The following CRY1 variants were observed in gnomAD, a reference collection of about 807,000 sequenced individuals.
The protein encoded by CRY1 is cryptochrome circadian regulator 1.
In CRY1, 45 loss-of-function variants were observed where a neutral mutation model predicts 76.0. The ratio of observed to expected loss-of-function variants is 0.59; its 90% confidence interval spans 0.47 to 0.76. The LOEUF (loss-of-function observed/expected upper bound fraction) is 0.76. CRY1 is among the 30% of genes least tolerant of loss of function. The pLI is 0.00. For synonymous variants in CRY1, 248 were observed against 244.0 expected, an observed-to-expected ratio of 1.02 and a Z score of -0.15; for missense variants, 587 against 716.4, an observed-to-expected ratio of 0.82 and a Z score of 2.06.
Position 107,026,769 on chromosome 12 carries a change from G to GTT in CRY1, c.159-4579_159-4578dup, listed in dbSNP as rs66881305. 6.0e-3 allele frequency among the ~76,000 whole-genome samples: 800 copies of GTT among 134,146 alleles called. 6 individuals carry two copies. Among genetic ancestry groups the GTT allele is most frequent in the Non-Finnish European group, 7.9e-3 (495 of 62,676 alleles). The allele number at this position is 134,146 out of a possible 152,430, so 88.0% of individuals were successfully genotyped here. On this transcript the variant is annotated intron_variant, in intron 1 of 12. Transcript: ENST00000008527. ...TTATTTTCCCTTGAGAATAATTCCTGTTTTTTTTTTTTTTTTTTTTTAAAG... is the reference window on the plus strand; with the variant it reads ...TTATTTTCCCTTGAGAATAATTCCTGTTTTTTTTTTTTTTTTTTTTTTTAAAG...
intron 2 of CRY1, among the ~76,000 whole-genome samples, chr12:107,009,557 A>AAC (rs1555275532): frequency 0.077 from 3,224 of 41,828 alleles, 125 homozygotes; most frequent in Admixed American, 0.14. Context: ...CAAAAAAACA[A>AAC]AAAAACATAT....
chr12:107,078,620 T>C (rs1953286487), intron 1 of CRY1, among the ~76,000 whole-genome samples: 1 of 152,186 alleles, frequency 6.6e-6, no homozygotes, highest in African/African-American at 2.4e-5. Flanking sequence ...ATTATTCCCA[T>C]ATGCACAGAT....
chr12:107,086,459 G>C (rs1953402593), intron 1 of CRY1, among the ~76,000 whole-genome samples: 1 of 152,230 alleles, frequency 6.6e-6, no homozygotes, highest in African/African-American at 2.4e-5. Context: ...AGACATTCCA[G>C]AAATCAAGGC....
intron 1 of CRY1, among the ~76,000 whole-genome samples, chr12:107,037,775 C>A (rs1415306883): frequency 6.6e-6 from 1 of 152,082 alleles, no homozygotes; most frequent in East Asian, 1.9e-4. Context: ...GTGGCATGAT[C>A]ATAGCTCACT....
chr12:107,081,076 A>ATT, intron 1 of CRY1, among the ~76,000 whole-genome samples: 1 of 152,254 alleles, frequency 6.6e-6, no homozygotes, highest in Admixed American at 6.5e-5. Flanking sequence ...CGTTTTGAAA[A>ATT]GAGACAGCAG....
At chr12:107,007,911 C>T (rs368962812) in intron 2 of CRY1, among the ~76,000 whole-genome samples, 1 of 152,072 alleles carries the variant, frequency 6.6e-6, no homozygotes, top group Admixed American at 6.6e-5. Context: ...ACTTCCTGCC[C>T]CTTTTCCTTC....
intron 2 of CRY1, among the ~76,000 whole-genome samples, chr12:107,009,016 T>C (rs1388555899): frequency 6.6e-6 from 1 of 152,224 alleles, no homozygotes; most frequent in Non-Finnish European, 1.5e-5. Flanking sequence ...TTATTTGCAG[T>C]GTGAGAACAA....
At chr12:107,082,663 C>T (rs1953342035) in intron 1 of CRY1, among the ~76,000 whole-genome samples, 1 of 152,138 alleles carries the variant, frequency 6.6e-6, no homozygotes, top group Non-Finnish European at 1.5e-5. Flanking sequence ...AAAGAGATAA[C>T]ATACCAGAAT....
rs151317120 is a variant in CRY1 at position 106,992,880 on chromosome 12, G to C, written c.1668C>G (p.Ser556=). The C allele has an allele frequency of 1.9e-6, 3 of 1,613,888 alleles. No homozygotes were observed. Among genetic ancestry groups the C allele is most frequent in the Admixed American group, 1.7e-5 (1 of 59,984 alleles). The change falls in exon 12 of 13, where the codon TCC becomes TCG. Residue 556 remains serine, a synonymous_variant. Transcript: ENST00000008527. ...QTHLLKQGRS[S]MGTGLSGGKR... ...TCCCACCACTGAGACCAGTGCCCAT[G>C]GAGCTTCTTCCTGCACATTTAAAAA...
Position 106,992,789 on chromosome 12 carries a change from A to T in CRY1, c.1759T>A (p.Ter587LysextTer42). ...GPKVQRQSTN[*>K] Reference sequence around the variant, plus strand: ...AAATACAGCTCTAAAATATTTACCTAATTAGTGCTCTGTCTCTGGACTTTA... The same window carrying T: ...AAATACAGCTCTAAAATATTTACCTTATTAGTGCTCTGTCTCTGGACTTTA... The change falls in exon 12 of 13, where the codon TAG becomes AAG. Residue 587 changes from the stop codon to lysine, a stop_lost and splice_region_variant. Transcript: ENST00000008527. 6.2e-7 allele frequency: 1 copy of T among 1,609,660 alleles called. No individual in the cohort carries two copies. The highest frequency in any genetic ancestry group is 8.5e-7 in the Non-Finnish European group (1 of 1,175,974).
intron 1 of CRY1, among the ~76,000 whole-genome samples, chr12:107,031,689 G>C (rs1297966941): frequency 1.3e-5 from 2 of 151,858 alleles, no homozygotes; most frequent in Non-Finnish European, 2.9e-5. Flanking sequence ...CATAACCCTA[G>C]TTTAATTATC....
chr12:107,070,583 C>T (rs1401089776), intron 1 of CRY1, among the ~76,000 whole-genome samples: 1 of 151,894 alleles, frequency 6.6e-6, no homozygotes, highest in East Asian at 1.9e-4. Context: ...TTACATAAAC[C>T]TGTAATGATA....
Position 107,093,084 on chromosome 12 carries a change from G to A in CRY1, c.-123C>T, listed in dbSNP as rs966824676. The A allele has an allele frequency of 2.3e-5, 28 of 1,216,196 alleles. No individual in the cohort carries two copies. The highest frequency in any genetic ancestry group is 3.1e-5 in the Non-Finnish European group (28 of 910,392). 75.3% of individuals were successfully genotyped at this position (1,216,196 alleles called of 1,614,324 possible). On this transcript the variant is annotated 5_prime_UTR_variant, in exon 1 of 13. Transcript: ENST00000008527. ...GGCGTGAGGAAAGGGCGGCAGAGGG[G>A]GAACAGGAAAAAATGACTCCGAGGA...
chr12:106,997,583 T>C lies in CRY1; in HGVS notation c.1397A>G (p.Tyr466Cys). 1 of 1,614,174 alleles carries C rather than the reference T, an allele frequency of 6.2e-7. No homozygotes were observed. The highest frequency in any genetic ancestry group is 8.5e-7 in the Non-Finnish European group (1 of 1,180,000). ...KVAKCLIGVN[Y>C]PKPMVNHAEA... ...AGCATGGTTCACCATTGGTTTAGGA[T>C]AATTAACTCCTATCAAACATTTGGC... The change falls in exon 9 of 13, where the codon TAT becomes TGT. Residue 466 changes from tyrosine to cysteine, a missense_variant. Physicochemically the swap from Tyr to Cys is radical, Grantham distance 194. Coordinates refer to ENST00000008527, the MANE Select transcript of CRY1 (RefSeq NM_004075.5).
At position 106,998,019 on chromosome 12, in the gene CRY1, TCCAGCATTTATG is replaced by T. The variant is rs1347043983; in HGVS notation, c.1173_1184del (p.Ser391_Gly395delinsArg). 4 of 1,614,124 alleles carry T rather than the reference TCCAGCATTTATG, an allele frequency of 2.5e-6. No individual in the cohort carries two copies. Among genetic ancestry groups the T allele is most frequent in the Non-Finnish European group, 3.4e-6 (4 of 1,179,998 alleles). ...AACTACAAGACAGCCACATCCAACTTCCAGCATTTATGCTCCAATCTGCATCAAGCAATAATT... is the reference window on the plus strand; with the variant it reads ...AACTACAAGACAGCCACATCCAACTTCTCCAATCTGCATCAAGCAATAATT... On this transcript the variant is annotated inframe_deletion, in exon 8 of 13. Coordinates refer to ENST00000008527, the MANE Select transcript of CRY1 (RefSeq NM_004075.5).
intron 1 of CRY1, among the ~76,000 whole-genome samples, chr12:107,053,338 C>T (rs558242604): frequency 2.2e-4 from 34 of 151,436 alleles, no homozygotes; most frequent in Middle Eastern, 6.8e-3. Flanking sequence ...TTTTTTGAGA[C>T]GGAGTTTCAC....
At chr12:107,079,613 C>T (rs901514666) in intron 1 of CRY1, among the ~76,000 whole-genome samples, 3 of 152,126 alleles carry the variant, frequency 2.0e-5, no homozygotes, top group Non-Finnish European at 4.4e-5. Flanking sequence ...ACATCAGCCT[C>T]CTCACCACTA....
At chr12:107,013,201 T>C (rs1340598897) in intron 2 of CRY1, among the ~76,000 whole-genome samples, 5 of 152,166 alleles carry the variant, frequency 3.3e-5, no homozygotes, top group Non-Finnish European at 7.3e-5. Context: ...GAAGAGTCAA[T>C]TGATGTGGCA....
At chr12:107,051,376 C>T (rs1337844019) in intron 1 of CRY1, among the ~76,000 whole-genome samples, 1 of 151,950 alleles carries the variant, frequency 6.6e-6, no homozygotes, top group Non-Finnish European at 1.5e-5. Context: ...ATATTAGTGA[C>T]CAATAAAATG....
Sources: allele counts gnomAD v4.1 joint callset (sites outside exome capture counted in the v4.1 genomes callset), GRCh38; gene constraint gnomAD v4.1.1; transcripts MANE v1.5; gene names NCBI Gene and HGNC (gene_info 2026-07-23, HGNC 2026-07-21).